AGMO: variants seen among roughly 807,000 people sequenced by gnomAD.
AGMO encodes the protein glyceryl-ether monooxygenase.
In AGMO, 75 loss-of-function variants were observed where a neutral mutation model predicts 60.2. That is an observed-to-expected ratio of 1.25 (90% CI 1.03 to 1.51). AGMO has a LOEUF of 1.51. Among genes scored for constraint, AGMO ranks in the 40% most tolerant of loss-of-function variants. The pLI is 0.00. For synonymous variants in AGMO, 261 were observed against 177.1 expected (o/e 1.47, Z -3.76); for missense variants, 763 against 525.5 (o/e 1.45, Z -4.42).
chr7:15,387,685 T>C (rs748338294), intron 8 of AGMO, 145 bp from the exon 9 acceptor site: 19 of 671,524 alleles, frequency 2.8e-5, no homozygotes, highest in Non-Finnish European at 4.4e-5. Flanking sequence ...AATGTGTAAT[T>C]GCATTCCATG....
intron 12 of AGMO, among the ~76,000 whole-genome samples, chr7:15,325,274 T>C (rs192183465): frequency 3.3e-5 from 5 of 152,238 alleles, no homozygotes; most frequent in African/African-American, 1.2e-4. Flanking sequence ...TAAAGGCTAA[T>C]AAATAGTATT....
chr7:15,418,415 C>T (rs939476547), intron 5 of AGMO, 143 bp downstream of exon 5: 54 of 590,520 alleles, frequency 9.1e-5, no homozygotes, highest in East Asian at 4.5e-4. Context: ...TCACTAAAAA[C>T]GAATAAAAAT....
At chr7:15,413,493 G>A (rs1326377014) in intron 5 of AGMO, among the ~76,000 whole-genome samples, 1 of 152,040 alleles carries the variant, frequency 6.6e-6, no homozygotes, top group African/African-American at 2.4e-5. Flanking sequence ...CCAGATTAAT[G>A]TTTTTTAAAT....
At chr7:15,547,588 C>A (rs370724708) in intron 2 of AGMO, among the ~76,000 whole-genome samples, 1 of 152,114 alleles carries the variant, frequency 6.6e-6, no homozygotes, top group Non-Finnish European at 1.5e-5. Flanking sequence ...CACTCCCACA[C>A]GAATATTGCG....
At chr7:15,495,869 C>G (rs960717414) in intron 3 of AGMO, among the ~76,000 whole-genome samples, 10 of 139,544 alleles carry the variant, frequency 7.2e-5, no homozygotes, top group African/African-American at 2.5e-4. Context: ...TCTCTCTCCT[C>G]TCTCTCTCTC....
rs188532343 is a variant in AGMO, at chr7:15,208,887, T to G, written c.1264-7528A>C. 7.2e-5 allele frequency among the ~76,000 whole-genome samples: 11 copies of G among 152,338 alleles called. No individual in the cohort carries two copies. The East Asian group carries it at 2.1e-3, about 29-fold the overall frequency. ...TGCTGGATTCATCATAGACCTTAAGTGTCCTAACAGAACTCTCTTGAATGA... is the reference window on the plus strand; with the variant it reads ...TGCTGGATTCATCATAGACCTTAAGGGTCCTAACAGAACTCTCTTGAATGA... On this transcript the variant is annotated intron_variant, in intron 12 of 12. Coordinates refer to ENST00000342526, the MANE Select transcript of AGMO (RefSeq NM_001004320.2).
chr7:15,215,832 G>GT (rs1781720262), intron 12 of AGMO, among the ~76,000 whole-genome samples: 1 of 152,000 alleles, frequency 6.6e-6, no homozygotes, highest in Non-Finnish European at 1.5e-5. Flanking sequence ...TTGAAATGCA[G>GT]TATTATGACA....
At chr7:15,204,655 C>A (rs1230642711) in intron 12 of AGMO, among the ~76,000 whole-genome samples, 2 of 152,176 alleles carry the variant, frequency 1.3e-5, no homozygotes, top group Non-Finnish European at 2.9e-5. Flanking sequence ...TGGTCCTTGT[C>A]TTCAGGCTAT....
chr7:15,411,531 C>T (rs906134000), intron 5 of AGMO, among the ~76,000 whole-genome samples: 2 of 151,638 alleles, frequency 1.3e-5, no homozygotes, highest in Non-Finnish European at 2.9e-5. Context: ...TTTTAAAAAG[C>T]ATGAGATGAC....
intron 12 of AGMO, among the ~76,000 whole-genome samples, chr7:15,285,954 T>C (rs1298504852): frequency 6.6e-6 from 1 of 151,878 alleles, no homozygotes; most frequent in East Asian, 1.9e-4. Flanking sequence ...TGAGAAAGCA[T>C]TCAAAAATAT....
chr7:15,260,609 C>G (rs1189456329), intron 12 of AGMO, among the ~76,000 whole-genome samples: 1 of 152,048 alleles, frequency 6.6e-6, no homozygotes, highest in African/African-American at 2.4e-5. Flanking sequence ...GACAGGTCAT[C>G]AAGACAGAAA....
intron 3 of AGMO, among the ~76,000 whole-genome samples, chr7:15,444,589 G>C (rs182970916): frequency 1.5e-4 from 23 of 152,302 alleles, no homozygotes; most frequent in Non-Finnish European, 2.8e-4. Context: ...TTTGGCTTGA[G>C]TAACATTCTT....
At chr7:15,531,039 T>C (rs1562556522) in intron 3 of AGMO, among the ~76,000 whole-genome samples, 1 of 7,712 alleles carries the variant, frequency 1.3e-4, no homozygotes, top group Non-Finnish European at 2.3e-4. Flanking sequence ...ATATATATTC[T>C]ATATATATTC....
intron 12 of AGMO, among the ~76,000 whole-genome samples, chr7:15,275,022 C>T (rs549698304): frequency 1.3e-5 from 2 of 151,724 alleles, no homozygotes; most frequent in South Asian, 4.2e-4. Flanking sequence ...TCTTTTGTAC[C>T]ATTTTTTCAG....
intron 12 of AGMO, among the ~76,000 whole-genome samples, chr7:15,235,817 T>C (rs1782401475): frequency 6.6e-6 from 1 of 152,162 alleles, no homozygotes; most frequent in Non-Finnish European, 1.5e-5. Context: ...TTCAAAACAT[T>C]ACTTTTATGG....
At position 15,493,160 on chromosome 7, in the gene AGMO, T is replaced by C. The variant is rs548830435; in HGVS notation, c.409+51612A>G. On this transcript the variant is annotated intron_variant, in intron 3 of 12. Coordinates refer to ENST00000342526, the MANE Select transcript of AGMO (RefSeq NM_001004320.2). ...TATCAGTGCTTTATTTTTATTGTTA[T>C]ATAATTTCAAACTTAAAACTTGCAG... Among the ~76,000 whole-genome samples, 4 of 152,174 alleles carry C rather than the reference T, an allele frequency of 2.6e-5. No homozygotes were observed. In the South Asian group the frequency reaches 8.3e-4, roughly 32 times the overall value.
intron 6 of AGMO, among the ~76,000 whole-genome samples, chr7:15,393,429 T>C (rs1404119451): frequency 2.0e-5 from 3 of 152,258 alleles, no homozygotes; most frequent in Non-Finnish European, 4.4e-5. Context: ...TTCATTGTTA[T>C]ATCCTTCTCC....
At chr7:15,248,826 T>TAA (rs900523984) in intron 12 of AGMO, among the ~76,000 whole-genome samples, 2 of 152,216 alleles carry the variant, frequency 1.3e-5, no homozygotes, top group Admixed American at 1.3e-4. Context: ...TTAAAGAGCT[T>TAA]AAAGTGAGGA....
intron 12 of AGMO, among the ~76,000 whole-genome samples, chr7:15,218,181 T>C (rs915136376): frequency 6.6e-6 from 1 of 151,958 alleles, no homozygotes; most frequent in Admixed American, 6.6e-5. Context: ...AAGAACAAAT[T>C]TGAGTGAAAA....
Sources: gnomAD v4.1 joint callset for allele counts (sites outside exome capture counted in the v4.1 genomes callset) on GRCh38, gnomAD v4.1.1 for gene constraint, MANE v1.5 for transcripts, NCBI Gene and HGNC (gene_info 2026-07-23, HGNC 2026-07-21) for gene names.